OPN4: variants seen among roughly 807,000 people sequenced by gnomAD.
OPN4 encodes the protein opsin 4, also known as melanopsin.
A neutral mutation model predicts 49.5 loss-of-function variants in OPN4; 43 were observed. The observed-to-expected ratio is 0.87, with a 90% confidence interval of 0.68 to 1.12. OPN4 has a LOEUF of 1.12. Among genes scored for constraint, OPN4 ranks in the 50% most tolerant of loss-of-function variants. The probability of loss-of-function intolerance (pLI) is 0.00; values close to 1 mark genes in which losing one functional copy is unlikely to be tolerated. For synonymous variants in OPN4, 263 were observed against 258.0 expected, an observed-to-expected ratio of 1.02 and a Z score of -0.19; for missense variants, 657 against 643.9, an observed-to-expected ratio of 1.02 and a Z score of -0.22.
At position 86,658,114 on chromosome 10, in the gene OPN4, CCT is replaced by C. The variant is rs776258464; in HGVS notation, c.374_375del (p.Pro125ArgfsTer6). The C allele has an allele frequency of 1.3e-5, 21 of 1,614,022 alleles. No homozygotes were observed. The Admixed American group carries it at 2.0e-4, about 15-fold the overall frequency. Reference sequence around the variant, plus strand: ...CTTCCTCATGTCCTTCACCCAGGCCCCTGTCTTCTTCACCAGTAGCCTCTATA... The same window carrying C: ...CTTCCTCATGTCCTTCACCCAGGCCCGTCTTCTTCACCAGTAGCCTCTATA... Reference protein sequence around the residue: ...SDFLMSFTQAPVFFTSSLYKQ... With the variant: ...SDFLMSFTQAXVFFTSSLYKQ... On this transcript the variant is annotated frameshift_variant, in exon 3 of 10. Coordinates refer to ENST00000241891, the MANE Select transcript of OPN4 (RefSeq NM_033282.4). LOFTEE classifies it high-confidence loss of function.
Position 86,658,032 on chromosome 10 carries a change from G to A in OPN4, c.291G>A (p.Arg97=), listed in dbSNP as rs751292318. The A allele has an allele frequency of 6.2e-7, 1 of 1,612,512 alleles. No individual in the cohort carries two copies. Among genetic ancestry groups the A allele is most frequent in the South Asian group, 1.1e-5 (1 of 90,906 alleles). The change falls in exon 3 of 10, where the codon AGG becomes AGA. Residue 97 remains arginine, a splice_region_variant and synonymous_variant. Coordinates refer to ENST00000241891, the MANE Select transcript of OPN4 (RefSeq NM_033282.4). ...GNLTVIYTFC[R]SRSLRTPANM... is the part of the protein sequence containing the mutation. Reference sequence around the variant, plus strand: ...TCCTAACAGCTTCTGATCCTCCCAGGAGCAGAAGCCTCCGGACACCTGCCA... The same window carrying A: ...TCCTAACAGCTTCTGATCCTCCCAGAAGCAGAAGCCTCCGGACACCTGCCA...
rs1482166886 is a variant in OPN4, at chr10:86,662,395, G to C, written c.1217G>C (p.Arg406Pro). The change falls in exon 8 of 10, where the codon CGG (arginine) becomes CCG (proline). Residue 406 changes from arginine to proline, a missense_variant. Transcript: ENST00000241891. ...HTSNLSWISI[R>P]RRQESLGSES... is the part of the protein sequence containing the mutation. ...TCCAACCTCAGCTGGATCTCCATACGGAGGCGCCAGGAGTCCCTGGGCTCG... is the reference window on the plus strand; with the variant it reads ...TCCAACCTCAGCTGGATCTCCATACCGAGGCGCCAGGAGTCCCTGGGCTCG... 1.9e-6 allele frequency: 3 copies of C among 1,561,448 alleles called. No homozygotes were observed. In the East Asian group the frequency reaches 7.2e-5, roughly 37 times the overall value.
chr10:86,665,705 G>A lies in OPN4; in HGVS notation c.1399-8G>A. Reference sequence around the variant, plus strand: ...TCAGCTAAACAGATGTGTGCTGTTTGTTTGCAGACCAAGGGGCTGATCCCC... The same window carrying A: ...TCAGCTAAACAGATGTGTGCTGTTTATTTGCAGACCAAGGGGCTGATCCCC... On this transcript the variant is annotated splice_polypyrimidine_tract_variant and splice_region_variant and intron_variant, in intron 9 of 9. Coordinates refer to ENST00000241891, the MANE Select transcript of OPN4 (RefSeq NM_033282.4). 1 of 1,613,370 alleles carries A rather than the reference G, an allele frequency of 6.2e-7. No individual in the cohort carries two copies. Among genetic ancestry groups the A allele is most frequent in the Non-Finnish European group, 8.5e-7 (1 of 1,179,414 alleles).
At position 86,658,291 on chromosome 10, in the gene OPN4, A is replaced by C. The variant is rs1843917148; in HGVS notation, c.424+126A>C. ...GGGCAGAGAGTGGGTAGCTGCCCTC[A>C]GTCCTGTGAGTAAGCAAGAAGGGAA... On this transcript the variant is annotated intron_variant, in intron 3 of 9. Transcript: ENST00000241891. The C allele has an allele frequency of 7.5e-6, 10 of 1,335,890 alleles. No individual in the cohort carries two copies. In the Admixed American group the frequency reaches 2.0e-4, roughly 27 times the overall value. 82.8% of individuals were successfully genotyped at this position (1,335,890 alleles called of 1,614,324 possible).
rs1037149603 is a variant in OPN4, at chr10:86,658,398, C to T, written c.425-86C>T. 9 of 1,466,240 alleles carry T rather than the reference C, an allele frequency of 6.1e-6. No individual in the cohort carries two copies. In the African/African-American group the frequency reaches 8.4e-5, roughly 14 times the overall value. 90.8% of individuals were successfully genotyped at this position (1,466,240 alleles called of 1,614,324 possible). A position where few individuals can be genotyped will look rare whatever the true frequency, so the allele number is the denominator to read the frequency against. On this transcript the variant is annotated intron_variant, in intron 3 of 9. Coordinates refer to ENST00000241891, the MANE Select transcript of OPN4 (RefSeq NM_033282.4). Reference sequence around the variant, plus strand: ...GGGGTGGAGTGCGCTCAGTCCTGCTCTTCCTGTGAGGTGAAGGCCAGAGCA... The same window carrying T: ...GGGGTGGAGTGCGCTCAGTCCTGCTTTTCCTGTGAGGTGAAGGCCAGAGCA...
At chr10:86,662,583 C>T in intron 8 of OPN4, 151 bp downstream of exon 8, 1 of 730,266 alleles carries the variant, frequency 1.4e-6, no homozygotes. Flanking sequence ...GAGCCCCTCC[C>T]AACACCCCCA....
At chr10:86,665,165 A>C (rs980448761) in intron 9 of OPN4, among the ~76,000 whole-genome samples, 17 of 152,056 alleles carry the variant, frequency 1.1e-4, no homozygotes, top group African/African-American at 3.9e-4. Flanking sequence ...CCCTGGGAGC[A>C]GCCAGAGGGA....
chr10:86,658,470 G>C lies in OPN4; in HGVS notation c.425-14G>C. 1 of 1,613,816 alleles carries C rather than the reference G, an allele frequency of 6.2e-7. No homozygotes were observed. The stretch of plus-strand genomic sequence containing the variant: ...CCTCCTCCCCAGGACTCAGAGCAGG[G>C]GCTGTGCCCACAGGCTGCGAGTTCT... On this transcript the variant is annotated splice_polypyrimidine_tract_variant and intron_variant, in intron 3 of 9. Transcript: ENST00000241891.
At chr10:86,657,155 A>T in intron 2 of OPN4, 1 of 779,428 alleles carries the variant, frequency 1.3e-6, no homozygotes, top group Non-Finnish European at 2.4e-6. Flanking sequence ...TGGGCACGTC[A>T]TTTCTCCTCC....
chr10:86,663,545 C>G (rs1844068443), intron 8 of OPN4, 114 bp from the exon 9 acceptor site: 1 of 977,358 alleles, frequency 1.0e-6, no homozygotes, highest in African/African-American at 1.7e-5. Context: ...GTGTCAGGGG[C>G]CTCCCGCAAT....
rs1248923136 is a variant in OPN4, at chr10:86,660,596, G to A, written c.965+537G>A. Among the ~76,000 whole-genome samples the A allele has an allele frequency of 2.0e-5, 3 of 152,190 alleles. No individual in the cohort carries two copies. In the South Asian group the frequency reaches 6.2e-4, roughly 32 times the overall value. On this transcript the variant is annotated intron_variant, in intron 6 of 9. Transcript: ENST00000241891. ...CCTGGTCCCCCCAGGGCCCTACTGTGGGGTTTCTCTACAATAGCCAGGGCA... is the reference window on the plus strand; with the variant it reads ...CCTGGTCCCCCCAGGGCCCTACTGTAGGGTTTCTCTACAATAGCCAGGGCA...
chr10:86,660,165 G>A lies in OPN4; in HGVS notation c.965+106G>A, dbSNP rs537745451. On this transcript the variant is annotated intron_variant, in intron 6 of 9. Coordinates refer to ENST00000241891, the MANE Select transcript of OPN4 (RefSeq NM_033282.4). Reference sequence around the variant, plus strand: ...AGCCCAACCCCGGCCAGCCATCCTCGCACCCTAGGACCAGCTTCACAGCTT... The same window carrying A: ...AGCCCAACCCCGGCCAGCCATCCTCACACCCTAGGACCAGCTTCACAGCTT... 131 of 1,270,670 alleles carry A rather than the reference G, an allele frequency of 1.0e-4. 1 individual carries two copies. Among genetic ancestry groups the A allele is most frequent in the Admixed American group, 4.8e-4 (25 of 52,392 alleles). 78.7% of individuals were successfully genotyped at this position (1,270,670 alleles called of 1,614,324 possible).
In OPN4 at chr10:86,665,793, C is replaced by A. The variant is rs142686143; in HGVS notation, c.*42C>A. On this transcript the variant is annotated 3_prime_UTR_variant, in exon 10 of 10. Coordinates refer to ENST00000241891, the MANE Select transcript of OPN4 (RefSeq NM_033282.4). ...CCCTTTCTTCTGAGACACATCCAGC[C>A]CCCCCACGTCTCCCTCATATACACA... 3,082 of 1,499,038 alleles carry A rather than the reference C, an allele frequency of 2.1e-3. 58 individuals are homozygous for A. In the African/African-American group the frequency reaches 0.038, roughly 18 times the overall value. 92.9% of individuals were successfully genotyped at this position (1,499,038 alleles called of 1,614,324 possible).
intron 7 of OPN4, among the ~76,000 whole-genome samples, chr10:86,661,690 C>G (rs1050183466): frequency 1.3e-5 from 2 of 151,372 alleles, no homozygotes; most frequent in Non-Finnish European, 3.0e-5. Context: ...TTTAAGCACC[C>G]CCCCGCCCCG....
Position 86,663,709 on chromosome 10 carries a change from A to G in OPN4, c.1305A>G (p.Ala435=). The part of the protein sequence containing the change: ...AAAVWGAAQQ[A]NGRSLYGQGL... ...CTGTGTGGGGAGCTGCCCAGCAAGCAAATGGGCGGTCCCTCTACGGTCAGG... is the reference window on the plus strand; with the variant it reads ...CTGTGTGGGGAGCTGCCCAGCAAGCGAATGGGCGGTCCCTCTACGGTCAGG... The change falls in exon 9 of 10, where the codon GCA becomes GCG. Residue 435 remains alanine, a synonymous_variant. Coordinates refer to ENST00000241891, the MANE Select transcript of OPN4 (RefSeq NM_033282.4). 1 of 1,577,324 alleles carries G rather than the reference A, an allele frequency of 6.3e-7. No homozygotes were observed. The highest frequency in any genetic ancestry group is 8.6e-7 in the Non-Finnish European group (1 of 1,161,044).
chr10:86,665,796 C>G lies in OPN4; in HGVS notation c.*45C>G, dbSNP rs376526023. 178 of 1,469,978 alleles carry G rather than the reference C, an allele frequency of 1.2e-4. 1 individual carries two copies. The highest frequency in any genetic ancestry group is 8.6e-4 in the South Asian group (75 of 87,350). 91.1% of individuals were successfully genotyped at this position (1,469,978 alleles called of 1,614,324 possible). On this transcript the variant is annotated 3_prime_UTR_variant, in exon 10 of 10. Coordinates refer to ENST00000241891, the MANE Select transcript of OPN4 (RefSeq NM_033282.4). ...TTTCTTCTGAGACACATCCAGCCCC[C>G]CCACGTCTCCCTCATATACACAGAC...
chr10:86,661,232 T>C (rs372216642), intron 6 of OPN4, 49 bp from the exon 7 acceptor site: 1 of 1,451,416 alleles, frequency 6.9e-7, no homozygotes, highest in East Asian at 2.3e-5. Flanking sequence ...GAAGAGAAGG[T>C]GTGTCAGGAG....
intron 2 of OPN4, 124 bp from the exon 3 acceptor site, chr10:86,657,908 A>G (rs1244670451): frequency 1.9e-6 from 2 of 1,038,564 alleles, no homozygotes; most frequent in East Asian, 2.4e-5. Context: ...TTGCTTGCCC[A>G]TGTGTGTGTG....
Position 86,662,263 on chromosome 10 carries a change from C to T in OPN4, c.1085C>T (p.Ala362Val), listed in dbSNP as rs745331413. The change falls in exon 8 of 10, where the codon GCC becomes GTC. Residue 362 changes from alanine to valine, a missense_variant. Transcript: ENST00000241891. ...TGCGGCCCCTGCAGGGTGGCCATTG[C>T]CCAGCACCTGCCCTGCCTGGGGGTG... ...ITHPKYRVAIAQHLPCLGVLL... is the reference protein window; with the variant it reads ...ITHPKYRVAIVQHLPCLGVLL... 18 of 1,609,258 alleles carry T rather than the reference C, an allele frequency of 1.1e-5. No individual in the cohort carries two copies. The highest frequency in any genetic ancestry group is 1.4e-5 in the Non-Finnish European group (17 of 1,179,430).
Sources: allele counts gnomAD v4.1 joint callset (sites outside exome capture counted in the v4.1 genomes callset), GRCh38; gene constraint gnomAD v4.1.1; transcripts MANE v1.5; gene names NCBI Gene and HGNC (gene_info 2026-07-23, HGNC 2026-07-21).